The following KIR2DL3 variants were observed in gnomAD, a reference collection of about 807,000 sequenced individuals.
The protein encoded by KIR2DL3 is killer cell immunoglobulin-like receptor 2DL3.
Under a neutral mutation model 33.8 loss-of-function variants are expected in KIR2DL3, and 39 were observed. The ratio of observed to expected loss-of-function variants is 1.15; its 90% confidence interval spans 0.89 to 1.51. The LOEUF (loss-of-function observed/expected upper bound fraction) is 1.51. Ranked by LOEUF, KIR2DL3 falls within the 40% of genes most tolerant of loss-of-function variation. KIR2DL3 has a pLI of 0.00. For synonymous variants in KIR2DL3, 174 were observed against 160.2 expected (o/e 1.09, Z -0.65); for missense variants, 462 against 426.2 (o/e 1.08, Z -0.74).
intron 5 of KIR2DL3, among the ~76,000 whole-genome samples, chr19:54,748,211 A>T (rs1488169630): frequency 6.6e-6 from 1 of 151,678 alleles, no homozygotes; most frequent in Admixed American, 6.6e-5. Flanking sequence ...CTTCTTCCTT[A>T]CCACACCTCT....
intron 4 of KIR2DL3, among the ~76,000 whole-genome samples, chr19:54,744,796 A>G (rs2071983136): frequency 1.3e-5 from 2 of 149,372 alleles, no homozygotes; most frequent in Non-Finnish European, 3.0e-5. Context: ...AAGTGCTGGG[A>G]TTACAGGCAT....
chr19:54,740,670 G>A (rs2070883484), intron 2 of KIR2DL3, among the ~76,000 whole-genome samples: 2 of 151,962 alleles, frequency 1.3e-5, no homozygotes, highest in African/African-American at 4.8e-5. Flanking sequence ...GGTAAAGGGG[G>A]ATTGAATACA....
At chr19:54,741,124 C>G (rs1555895269) in intron 2 of KIR2DL3, among the ~76,000 whole-genome samples, 41,756 of 148,246 alleles carry the variant, frequency 0.28, 6,018 homozygotes, top group South Asian at 0.39. Context: ...TGATAATTTT[C>G]TACAGCAGCA....
chr19:54,749,044 T>G (rs200303088), intron 5 of KIR2DL3, among the ~76,000 whole-genome samples: 28 of 150,104 alleles, frequency 1.9e-4, no homozygotes, highest in African/African-American at 6.3e-4. Flanking sequence ...CCTGAAAGAT[T>G]GGCGGAAGGA....
intron 5 of KIR2DL3, among the ~76,000 whole-genome samples, chr19:54,747,736 C>T (rs1432662691): frequency 3.3e-5 from 5 of 152,106 alleles, no homozygotes; most frequent in African/African-American, 9.7e-5. Flanking sequence ...CTGATGAGGG[C>T]GAGGTGTTTT....
Position 54,743,751 on chromosome 19 carries a change from G to C in KIR2DL3, c.371-44G>C, listed in dbSNP as rs746420488. 14 of 1,528,700 alleles carry C rather than the reference G, an allele frequency of 9.2e-6. No homozygotes were observed. The Admixed American group carries it at 2.8e-4, about 30-fold the overall frequency. The allele number at this position is 1,528,700 out of a possible 1,614,324, so 94.7% of individuals were successfully genotyped here. Reference sequence around the variant, plus strand: ...TCTCAGCTCAGGTGAAGGGAGCTGTGACAAGGAAGATCCTCCGTAAGGAAA... The same window carrying C: ...TCTCAGCTCAGGTGAAGGGAGCTGTCACAAGGAAGATCCTCCGTAAGGAAA... On this transcript the variant is annotated intron_variant, in intron 3 of 7. Transcript: ENST00000342376.
intron 4 of KIR2DL3, among the ~76,000 whole-genome samples, chr19:54,745,084 T>C (rs1263255917): frequency 1.2e-4 from 18 of 151,058 alleles, no homozygotes; most frequent in Admixed American, 1.1e-3. Flanking sequence ...GGAATCTTTG[T>C]AATGACTTCC....
At chr19:54,743,392 T>G (rs1203270643) in intron 3 of KIR2DL3, among the ~76,000 whole-genome samples, 1 of 151,950 alleles carries the variant, frequency 6.6e-6, no homozygotes, top group East Asian at 1.9e-4. Flanking sequence ...GATATATAGA[T>G]ATAGATGACA....
At chr19:54,748,566 G>A (rs781024788) in intron 5 of KIR2DL3, among the ~76,000 whole-genome samples, 689 of 148,052 alleles carry the variant, frequency 4.7e-3, no homozygotes, top group Non-Finnish European at 6.3e-3. Flanking sequence ...ATGCACAAGT[G>A]GATCTATAAA....
intron 5 of KIR2DL3, among the ~76,000 whole-genome samples, chr19:54,748,140 C>T (rs1012096980): frequency 3.3e-5 from 5 of 150,100 alleles, no homozygotes; most frequent in African/African-American, 9.8e-5. Context: ...CTCCTGTTCC[C>T]CTTCCTCCTT....
At chr19:54,751,467 C>T (rs1459735917) in intron 5 of KIR2DL3, among the ~76,000 whole-genome samples, 182 bp from the exon 6 acceptor site, 1 of 133,306 alleles carries the variant, frequency 7.5e-6, no homozygotes, top group East Asian at 2.0e-4. Context: ...ATCCTCAACA[C>T]GTTCTATGGT....
rs1346907564 is a variant in KIR2DL3, at chr19:54,750,610, T to A, written c.716-1039T>A. 1.2e-4 allele frequency among the ~76,000 whole-genome samples: 16 copies of A among 137,420 alleles called. 3 individuals carry two copies. Among genetic ancestry groups the A allele is most frequent in the Non-Finnish European group, 2.1e-4 (13 of 62,470 alleles). 90.2% of individuals were successfully genotyped at this position (137,420 alleles called of 152,430 possible). On this transcript the variant is annotated intron_variant, in intron 5 of 7. Coordinates refer to ENST00000342376, the MANE Select transcript of KIR2DL3 (RefSeq NM_015868.3). Reference sequence around the variant, plus strand: ...CTAAAGCACATTCGCTGTGTATCAATCCCAGTGCAGTCTTCCCAGAGAAGA... The same window carrying A: ...CTAAAGCACATTCGCTGTGTATCAAACCCAGTGCAGTCTTCCCAGAGAAGA...
At position 54,738,564 on chromosome 19, in the gene KIR2DL3, A is replaced by G; in HGVS notation, c.19A>G (p.Ser7Gly). The change falls in exon 1 of 8, where the codon AGC becomes GGC. Residue 7 changes from serine (S) to glycine (G), a missense_variant. Transcript: ENST00000342376. ...CAGCACCATGTCGCTCATGGTCGTC[A>G]GCATGGTGTGTGTTGGTGAGTCCTG... MSLMVV[S>G]MVCVGFFLLQ... 6.2e-7 allele frequency: 1 copy of G among 1,614,228 alleles called. No individual in the cohort carries two copies. Among genetic ancestry groups the G allele is most frequent in the Non-Finnish European group, 8.5e-7 (1 of 1,180,038 alleles).
At position 54,751,233 on chromosome 19, in the gene KIR2DL3, G is replaced by C. The variant is rs1394957885; in HGVS notation, c.716-416G>C. ...ACACGGCAAGAGAGGGAGCAAGGGGGAGGGGGAGCGATGGAGCTTCCAAGC... is the reference window on the plus strand; with the variant it reads ...ACACGGCAAGAGAGGGAGCAAGGGGCAGGGGGAGCGATGGAGCTTCCAAGC... On this transcript the variant is annotated intron_variant, in intron 5 of 7. Transcript: ENST00000342376. Among the ~76,000 whole-genome samples the C allele has an allele frequency of 5.3e-5, 7 of 131,584 alleles. 1 individual carries two copies. Among genetic ancestry groups the C allele is most frequent in the Non-Finnish European group, 6.6e-5 (4 of 60,284 alleles). 86.3% of individuals were successfully genotyped at this position (131,584 alleles called of 152,430 possible).
chr19:54,742,285 A>G lies in KIR2DL3; in HGVS notation c.370+6A>G. The G allele has an allele frequency of 6.2e-7, 1 of 1,612,584 alleles. No individual in the cohort carries two copies. Among genetic ancestry groups the G allele is most frequent in the Non-Finnish European group, 8.5e-7 (1 of 1,178,712 alleles). On this transcript the variant is annotated splice_donor_region_variant and intron_variant, in intron 3 of 7. Coordinates refer to ENST00000342376, the MANE Select transcript of KIR2DL3 (RefSeq NM_015868.3). ...TCTGGACATCGTCATCACAGGTGAG[A>G]GTGTCCGGACATTCTCATTGTCATT...
intron 4 of KIR2DL3, among the ~76,000 whole-genome samples, chr19:54,747,079 G>A (rs1555911093): frequency 0.081 from 8,294 of 102,026 alleles, 416 homozygotes; most frequent in Middle Eastern, 0.13. Context: ...TTATGCCAAT[G>A]TGATGCTGTT....
chr19:54,752,767 G>A lies in KIR2DL3; in HGVS notation c.*248G>A, dbSNP rs1426542834. ...GAGAGAAAACACACTCCTTTGCTTA[G>A]CCCACAATTCTCCATTTCACTTGAC... On this transcript the variant is annotated 3_prime_UTR_variant, in exon 8 of 8. Coordinates refer to ENST00000342376, the MANE Select transcript of KIR2DL3 (RefSeq NM_015868.3). 8 of 608,426 alleles carry A rather than the reference G, an allele frequency of 1.3e-5. No individual in the cohort carries two copies. The highest frequency in any genetic ancestry group is 4.0e-5 in the African/African-American group (2 of 50,442). The allele number at this position is 608,426 out of a possible 1,614,324, so 37.7% of individuals were successfully genotyped here. A position where few individuals can be genotyped will look rare whatever the true frequency, so the allele number is the denominator to read the frequency against.
intron 2 of KIR2DL3, among the ~76,000 whole-genome samples, chr19:54,741,374 G>T (rs1341390544): frequency 2.6e-5 from 4 of 151,758 alleles, no homozygotes; most frequent in Admixed American, 6.6e-5. Flanking sequence ...AACCAAACAA[G>T]GAGAAGGTTG....
At chr19:54,750,463 A>T (rs75070364) in intron 5 of KIR2DL3, among the ~76,000 whole-genome samples, 1 of 126,752 alleles carries the variant, frequency 7.9e-6, no homozygotes, top group Non-Finnish European at 1.7e-5. Flanking sequence ...CTTCAACACT[A>T]TTTCCTGGCC....
Sources: allele counts gnomAD v4.1 joint callset (sites outside exome capture counted in the v4.1 genomes callset), GRCh38; gene constraint gnomAD v4.1.1; transcripts MANE v1.5; gene names NCBI Gene and HGNC (gene_info 2026-07-23, HGNC 2026-07-21).